COL25A1: variants seen among roughly 807,000 people sequenced by gnomAD.
COL25A1 encodes the protein collagen type XXV alpha 1 chain.
Under a neutral mutation model 128.4 loss-of-function variants are expected in COL25A1, and 103 were observed. The observed-to-expected ratio is 0.80, with a 90% CI of 0.68 to 0.94. The LOEUF (loss-of-function observed/expected upper bound fraction) is 0.94, where lower values mean the gene tolerates loss of function less well. Ranked by LOEUF, COL25A1 falls within the 40% of genes least tolerant of loss-of-function variation. The pLI is 0.00. For synonymous variants in COL25A1, 279 were observed against 277.2 expected, an observed-to-expected ratio of 1.01 and a Z score of -0.06; for missense variants, 745 against 840.0, an observed-to-expected ratio of 0.89 and a Z score of 1.40.
chr4:109,210,847 A>G (rs145024562), intron 3 of COL25A1, among the ~76,000 whole-genome samples: 235 of 152,266 alleles, frequency 1.5e-3, no homozygotes, highest in African/African-American at 5.4e-3. Context: ...GCCATAAAAA[A>G]GAATAAAATT....
intron 3 of COL25A1, among the ~76,000 whole-genome samples, chr4:109,280,530 A>G: frequency 6.6e-6 from 1 of 152,234 alleles, no homozygotes; most frequent in Non-Finnish European, 1.5e-5. Flanking sequence ...GAAGACATTC[A>G]TGAGACCATG....
chr4:108,899,011 A>ATGTCTATC (rs1553963413), intron 15 of COL25A1, 143 bp downstream of exon 15: 5 of 585,904 alleles, frequency 8.5e-6, no homozygotes, highest in Non-Finnish European at 1.2e-5. Context: ...ATATATCTAT[A>ATGTCTATC]TACCTACCTA....
Position 108,813,173 on chromosome 4 carries a change from C to G in COL25A1, c.*754G>C, listed in dbSNP as rs189771880. ...ACTGGTGGCAGCAACAGGCTCAACC[C>G]CTTCGTATTTCAACCAAAGTGGCCA... On this transcript the variant is annotated 3_prime_UTR_variant, in exon 38 of 38. Transcript: ENST00000399132. The G allele has an allele frequency of 8.5e-5, 13 of 152,310 alleles. No individual in the cohort carries two copies. In the East Asian group the frequency reaches 2.5e-3, roughly 29 times the overall value. 9.4% of individuals were successfully genotyped at this position (152,310 alleles called of 1,614,324 possible).
At chr4:109,174,350 A>C (rs1429740840) in intron 3 of COL25A1, among the ~76,000 whole-genome samples, 1 of 152,184 alleles carries the variant, frequency 6.6e-6, no homozygotes, top group East Asian at 1.9e-4. Flanking sequence ...TGACAGATAA[A>C]GTCCCCTAGC....
chr4:109,223,527 C>CA, intron 3 of COL25A1, among the ~76,000 whole-genome samples: 1 of 152,194 alleles, frequency 6.6e-6, no homozygotes, highest in African/African-American at 2.4e-5. Flanking sequence ...TGGCAGCACC[C>CA]AAAACCAAGT....
chr4:109,107,780 G>T (rs1025378447), intron 3 of COL25A1, among the ~76,000 whole-genome samples: 1 of 152,108 alleles, frequency 6.6e-6, no homozygotes, highest in Non-Finnish European at 1.5e-5. Context: ...GACCACCAAC[G>T]TGACTACCAA....
intron 3 of COL25A1, among the ~76,000 whole-genome samples, chr4:109,135,312 A>T (rs1392707540): frequency 6.6e-6 from 1 of 152,180 alleles, no homozygotes; most frequent in African/African-American, 2.4e-5. Context: ...ATTATAATAT[A>T]TTAATTCTTT....
intron 8 of COL25A1, among the ~76,000 whole-genome samples, chr4:108,956,481 CT>C (rs1428367383): frequency 2.6e-5 from 4 of 152,330 alleles, no homozygotes; most frequent in South Asian, 4.1e-4. Flanking sequence ...TCTTTGCTCA[CT>C]GCAAACTCCA....
intron 3 of COL25A1, among the ~76,000 whole-genome samples, chr4:109,202,161 C>T (rs1776602760): frequency 6.6e-6 from 1 of 152,020 alleles, no homozygotes; most frequent in African/African-American, 2.4e-5. Context: ...CCAGAATAGT[C>T]AACACAATAA....
At chr4:108,997,248 G>A (rs113270443) in intron 6 of COL25A1, among the ~76,000 whole-genome samples, 3 of 152,038 alleles carry the variant, frequency 2.0e-5, no homozygotes, top group African/African-American at 7.2e-5. Flanking sequence ...AAGAAGAAAA[G>A]AGAGAAGAAT....
Position 108,820,232 on chromosome 4 carries a change from T to C in COL25A1, c.1846-903A>G, listed in dbSNP as rs536382692. 9.2e-5 allele frequency among the ~76,000 whole-genome samples: 14 copies of C among 152,268 alleles called. No individual in the cohort carries two copies. The East Asian group carries it at 1.5e-3, about 17-fold the overall frequency. On this transcript the variant is annotated intron_variant, in intron 35 of 37. Transcript: ENST00000399132. ...GTGAGGATGACAGGTACCAAAACCA[T>C]TGAAGCCAGCCAGTGGCAGATGAAG...
intron 8 of COL25A1, among the ~76,000 whole-genome samples, chr4:108,948,188 A>G (rs1748998988): frequency 6.6e-6 from 1 of 152,242 alleles, no homozygotes; most frequent in African/African-American, 2.4e-5. Flanking sequence ...AGGCTAAATT[A>G]AGAAAGAAAA....
chr4:109,217,274 T>A lies in COL25A1; in HGVS notation c.367+83309A>T, dbSNP rs533401943. ...AATTTTACTGGGGGTATTTTATATT[T>A]AATTTATAGTTAATATTTAATTTTT... is the stretch of plus-strand genomic sequence containing the variant. On this transcript the variant is annotated intron_variant, in intron 3 of 37. Coordinates refer to ENST00000399132, the MANE Select transcript of COL25A1 (RefSeq NM_198721.4). Among the ~76,000 whole-genome samples the A allele has an allele frequency of 1.5e-4, 23 of 152,252 alleles. No individual in the cohort carries two copies. The East Asian group carries it at 4.4e-3, about 29-fold the overall frequency.
At chr4:109,116,461 T>C (rs1767569720) in intron 3 of COL25A1, among the ~76,000 whole-genome samples, 1 of 151,990 alleles carries the variant, frequency 6.6e-6, no homozygotes, top group African/African-American at 2.4e-5. Flanking sequence ...CTGGTGAGGT[T>C]CACAGCTCAA....
intron 3 of COL25A1, among the ~76,000 whole-genome samples, chr4:109,060,514 T>C (rs1167124112): frequency 2.0e-5 from 3 of 152,090 alleles, no homozygotes; most frequent in Non-Finnish European, 2.9e-5. Context: ...TTTGTGAACA[T>C]GTTAGCAGTT....
chr4:109,119,851 A>T (rs906791086), intron 3 of COL25A1, among the ~76,000 whole-genome samples: 4 of 152,090 alleles, frequency 2.6e-5, no homozygotes, highest in African/African-American at 9.7e-5. Context: ...CTATCAATCA[A>T]TATCTCTCAT....
intron 18 of COL25A1, among the ~76,000 whole-genome samples, chr4:108,884,891 A>G (rs1409225485): frequency 6.6e-6 from 1 of 152,188 alleles, no homozygotes; most frequent in African/African-American, 2.4e-5. Flanking sequence ...ATTTTGGGTG[A>G]GCATATTGGA....
At chr4:108,852,409 A>G in intron 25 of COL25A1, 129 bp from the exon 26 acceptor site, 1 of 698,978 alleles carries the variant, frequency 1.4e-6, no homozygotes, top group East Asian at 3.2e-5. Flanking sequence ...TAAATTTGCA[A>G]TGAGGAAAAA....
intron 8 of COL25A1, among the ~76,000 whole-genome samples, chr4:108,962,279 C>T (rs1481871867): frequency 6.6e-6 from 1 of 152,028 alleles, no homozygotes; most frequent in African/African-American, 2.4e-5. Context: ...CCTCCACCTC[C>T]CGGGTTCAAG....
Sources: allele counts gnomAD v4.1 joint callset (sites outside exome capture counted in the v4.1 genomes callset), GRCh38; gene constraint gnomAD v4.1.1; transcripts MANE v1.5; gene names NCBI Gene and HGNC (gene_info 2026-07-23, HGNC 2026-07-21).